Variants in NAV2 observed in about 807,000 individuals in gnomAD.
NAV2 encodes the protein neuron navigator 2, also known as helicase, APC down-regulated 1.
A neutral mutation model predicts 223.2 loss-of-function variants in NAV2; 54 were observed. The observed-to-expected ratio is 0.24, with a 90% CI of 0.19 to 0.30. The LOEUF (loss-of-function observed/expected upper bound fraction) is 0.30, where lower values mean the gene tolerates loss of function less well. NAV2 is among the 10% of genes least tolerant of loss of function. The pLI, the probability that NAV2 is intolerant of heterozygous loss-of-function variation, is 1.00. For synonymous variants in NAV2, 1,279 were observed against 1,239.3 expected, an observed-to-expected ratio of 1.03 and a Z score of -0.67; for missense variants, 2,806 against 3,147.5, an observed-to-expected ratio of 0.89 and a Z score of 2.60.
chr11:20,044,711 C>G (rs1192375487), intron 13 of NAV2, among the ~76,000 whole-genome samples: 2 of 152,156 alleles, frequency 1.3e-5, no homozygotes, highest in East Asian at 1.9e-4. Context: ...TCTTTCCCCC[C>G]AGACATATCA....
chr11:19,870,106 A>G (rs564369494), intron 4 of NAV2, among the ~76,000 whole-genome samples: 10 of 152,264 alleles, frequency 6.6e-5, no homozygotes, highest in African/African-American at 1.9e-4. Context: ...GTTCCCAGTC[A>G]GGCACGGCCA....
upstream of NAV2, among the ~76,000 whole-genome samples, chr11:19,350,085 C>CTGA (rs3077390): frequency 1.2e-3 from 182 of 149,734 alleles, 2 homozygotes; most frequent in African/African-American, 3.3e-3. Flanking sequence ...CCTTATTCCT[C>CTGA]TGATGATGAT....
intron 1 of NAV2, among the ~76,000 whole-genome samples, chr11:19,360,819 T>A (rs571878616): frequency 6.6e-6 from 1 of 152,254 alleles, no homozygotes; most frequent in Admixed American, 6.5e-5. Context: ...TGTTTGTCTT[T>A]CCCACTGAAC....
intron 1 of NAV2, among the ~76,000 whole-genome samples, chr11:19,522,026 C>A (rs143379328): frequency 6.6e-6 from 1 of 152,330 alleles, no homozygotes; most frequent in Non-Finnish European, 1.5e-5. Flanking sequence ...CTTGGACAGT[C>A]ATTTGCCCTT....
rs1320886908 is a variant in NAV2 at position 19,998,388 on chromosome 11, C to T, written c.2768+14141C>T. On this transcript the variant is annotated intron_variant, in intron 11 of 37. Coordinates refer to ENST00000349880, the MANE Select transcript of NAV2 (RefSeq NM_145117.5). This position sits in a 1 kb window ranked among gnomAD's most constrained non-coding sequence, Gnocchi z 5.0. Reference sequence around the variant, plus strand: ...CTCTCCCACTGCAGCCTTCCAGGCCCACTGTACCCACCAGGGCCTTCATGC... The same window carrying T: ...CTCTCCCACTGCAGCCTTCCAGGCCTACTGTACCCACCAGGGCCTTCATGC... Among the ~76,000 whole-genome samples, 2 of 152,122 alleles carry T rather than the reference C, an allele frequency of 1.3e-5. No homozygotes were observed. The highest frequency in any genetic ancestry group is 2.9e-5 in the Non-Finnish European group (2 of 68,026).
chr11:19,483,353 A>G (rs567776902), intron 1 of NAV2, among the ~76,000 whole-genome samples: 1 of 152,286 alleles, frequency 6.6e-6, no homozygotes, highest in South Asian at 2.1e-4. Context: ...CCACCCACCC[A>G]TTGGTCACTT....
intron 10 of NAV2, among the ~76,000 whole-genome samples, chr11:19,953,019 C>G (rs541906829): frequency 1.3e-5 from 2 of 152,216 alleles, no homozygotes; most frequent in Admixed American, 6.5e-5. Flanking sequence ...TGAAATTTCT[C>G]TTACTAGGTT....
chr11:19,667,507 T>A (rs533476759), intron 1 of NAV2, among the ~76,000 whole-genome samples: 19 of 152,216 alleles, frequency 1.2e-4, no homozygotes, highest in Admixed American at 1.0e-3. Context: ...GACAATTCAG[T>A]TGGTGTGTTG....
chr11:19,587,392 A>G (rs1261477072), intron 1 of NAV2, among the ~76,000 whole-genome samples: 1 of 152,106 alleles, frequency 6.6e-6, no homozygotes, highest in African/African-American at 2.4e-5. Context: ...TCCTGTACCC[A>G]GTGTCTGACA....
At chr11:19,765,001 A>T (rs1312480639) in intron 1 of NAV2, among the ~76,000 whole-genome samples, 1 of 152,060 alleles carries the variant, frequency 6.6e-6, no homozygotes, top group Non-Finnish European at 1.5e-5. Context: ...CCTCCCAGAC[A>T]CTACCCTCCT....
At chr11:19,582,855 T>C (rs1242014061) in intron 1 of NAV2, among the ~76,000 whole-genome samples, 1 of 152,192 alleles carries the variant, frequency 6.6e-6, no homozygotes, top group Non-Finnish European at 1.5e-5. Context: ...GACTTGGCAA[T>C]GCGGGCTCTT....
intron 1 of NAV2, among the ~76,000 whole-genome samples, chr11:19,695,920 A>G (rs1159334297): frequency 6.6e-5 from 1 of 15,134 alleles, no homozygotes; most frequent in Non-Finnish European, 2.5e-4. Context: ...TAAAATAAAG[A>G]CACTAGATGA....
intron 1 of NAV2, among the ~76,000 whole-genome samples, chr11:19,543,385 CG>C (rs1363451525): frequency 6.6e-6 from 1 of 152,178 alleles, no homozygotes; most frequent in Non-Finnish European, 1.5e-5. Context: ...TGTCAACCAA[CG>C]TAACAGTAAT....
At chr11:19,639,334 T>C (rs1417603778) in intron 1 of NAV2, among the ~76,000 whole-genome samples, 2 of 152,220 alleles carry the variant, frequency 1.3e-5, no homozygotes, top group African/African-American at 4.8e-5. Flanking sequence ...AGACCCTCTA[T>C]GACTGCCCCT....
intron 25 of NAV2, among the ~76,000 whole-genome samples, chr11:20,081,292 G>A (rs913828722): frequency 6.6e-6 from 1 of 152,132 alleles, no homozygotes; most frequent in Non-Finnish European, 1.5e-5. Context: ...AACACAGATA[G>A]GATTAATTCA....
At position 19,424,506 on chromosome 11, in the gene NAV2, C is replaced by A. The variant is rs1185006855; in HGVS notation, c.75+73479C>A. Among the ~76,000 whole-genome samples, 6 of 152,242 alleles carry A rather than the reference C, an allele frequency of 3.9e-5. No individual in the cohort carries two copies. The South Asian group carries it at 6.2e-4, about 16-fold the overall frequency. On this transcript the variant is annotated intron_variant, in intron 1 of 37. Coordinates refer to the NAV2 transcript ENST00000360655. ...AAGCGGTCAAATTAGGGATCTATAG[C>A]AAATAAGCCATAGAATTTGGAATAG... is the stretch of plus-strand genomic sequence containing the variant.
At chr11:19,868,594 A>G (rs556520689) in intron 3 of NAV2, among the ~76,000 whole-genome samples, 114 of 152,266 alleles carry the variant, frequency 7.5e-4, no homozygotes, top group African/African-American at 2.5e-3. Context: ...GGGTGTGTCC[A>G]CTAACCCTTT....
intron 12 of NAV2, among the ~76,000 whole-genome samples, chr11:20,041,986 G>A (rs552192628): frequency 6.6e-6 from 1 of 152,188 alleles, no homozygotes; most frequent in South Asian, 2.1e-4. Context: ...ACCCTTGTTT[G>A]TGTTTATTTA....
intron 1 of NAV2, among the ~76,000 whole-genome samples, chr11:19,803,978 G>A (rs2058412125): frequency 6.6e-6 from 1 of 152,188 alleles, no homozygotes; most frequent in African/African-American, 2.4e-5. Flanking sequence ...AGGATTAAAG[G>A]TGAGACAAAA....
Sources: gnomAD v4.1 joint callset for allele counts (sites outside exome capture counted in the v4.1 genomes callset) on GRCh38, gnomAD v4.1.1 for gene constraint, Gnocchi (gnomAD v3.1) non-coding constraint, MANE v1.5 for transcripts, NCBI Gene and HGNC (gene_info 2026-07-23, HGNC 2026-07-21) for gene names.